The following ZNF385D variants were observed in gnomAD, a reference collection of about 807,000 sequenced individuals.
ZNF385D encodes zinc finger protein 659.
In ZNF385D, 15 loss-of-function variants were observed where a neutral mutation model predicts 35.8. The ratio of observed to expected loss-of-function variants is 0.42; its 90% CI spans 0.28 to 0.64. The LOEUF is 0.64. Among genes scored for constraint, ZNF385D ranks in the 30% least tolerant of loss-of-function variants. ZNF385D has a pLI of 0.23. For synonymous variants in ZNF385D, 212 were observed against 186.8 expected, an observed-to-expected ratio of 1.13 and a Z score of -1.10; for missense variants, 474 against 494.6, an observed-to-expected ratio of 0.96 and a Z score of 0.39.
At chr3:21,459,276 TA>T (rs756148778) in intron 4 of ZNF385D, 2 of 152,182 alleles carry the variant, frequency 1.3e-5, no homozygotes, top group Non-Finnish European at 2.9e-5. Context: ...ACACCTTGTC[TA>T]TATTGCTATT....
intron 3 of ZNF385D, among the ~76,000 whole-genome samples, chr3:22,026,027 A>C (rs1223309834): frequency 6.6e-6 from 1 of 152,208 alleles, no homozygotes; most frequent in Non-Finnish European, 1.5e-5. Flanking sequence ...GCAAAGCAGC[A>C]ATCAGAATAG....
At position 22,016,933 on chromosome 3, in the gene ZNF385D, C is replaced by G. The variant is rs180692272; in HGVS notation, c.325+151884G>C. ...CTATCTATCCTGTCCATCCATCCAT[C>G]GGACACACACACACACACACACAAA... On this transcript the variant is annotated intron_variant, in intron 3 of 5. Transcript: ENST00000494108. Among the ~76,000 whole-genome samples, 129 of 142,038 alleles carry G rather than the reference C, an allele frequency of 9.1e-4. 1 individual carries two copies. The highest frequency in any genetic ancestry group is 3.3e-3 in the African/African-American group (123 of 37,504). The allele number at this position is 142,038 out of a possible 152,430, so 93.2% of individuals were successfully genotyped here.
chr3:22,124,399 G>C (rs1703304745), intron 3 of ZNF385D, among the ~76,000 whole-genome samples: 1 of 152,132 alleles, frequency 6.6e-6, no homozygotes, highest in Non-Finnish European at 1.5e-5. Flanking sequence ...TGGGAGTGCA[G>C]ATATCTCTTT....
At chr3:22,298,103 A>T (rs1272213863) in intron 2 of ZNF385D, among the ~76,000 whole-genome samples, 1 of 152,042 alleles carries the variant, frequency 6.6e-6, no homozygotes, top group East Asian at 1.9e-4. Context: ...AAACAGGCAT[A>T]TAATCTTCGT....
chr3:22,065,723 A>G (rs922150981), intron 3 of ZNF385D, among the ~76,000 whole-genome samples: 5 of 152,328 alleles, frequency 3.3e-5, no homozygotes, highest in South Asian at 2.1e-4. Flanking sequence ...CTCAAAGAAC[A>G]TAACACACAC....
At position 21,976,105 on chromosome 3, in the gene ZNF385D, C is replaced by T. The variant is rs73135324; in HGVS notation, c.325+192712G>A. 8.2e-3 allele frequency among the ~76,000 whole-genome samples: 1,244 copies of T among 152,192 alleles called. 15 individuals are homozygous for T. The highest frequency in any genetic ancestry group is 0.029 in the African/African-American group (1,188 of 41,532). On this transcript the variant is annotated intron_variant, in intron 3 of 5. Coordinates refer to the ZNF385D transcript ENST00000494108. ...TGGGGAAAACTAGAGGGATCCTGAA[C>T]CTTACTGAAGCTGCAGACTAGCCAA...
intron 3 of ZNF385D, among the ~76,000 whole-genome samples, chr3:21,955,523 G>C (rs530074464): frequency 1.3e-5 from 2 of 152,224 alleles, no homozygotes; most frequent in East Asian, 3.9e-4. Flanking sequence ...GCTTAAGAAA[G>C]ATCATTCTGG....
At chr3:21,769,073 G>C (rs1161668635) in intron 3 of ZNF385D, among the ~76,000 whole-genome samples, 5 of 151,998 alleles carry the variant, frequency 3.3e-5, no homozygotes, top group African/African-American at 1.2e-4. Context: ...TTTTTAGCAT[G>C]AAGGGCTGTT....
intron 2 of ZNF385D, among the ~76,000 whole-genome samples, chr3:22,268,035 T>G (rs747492408): frequency 4.6e-5 from 7 of 152,002 alleles, no homozygotes; most frequent in Non-Finnish European, 1.0e-4. Context: ...AAAGTAAGTA[T>G]GCACTACAAG....
At chr3:21,739,457 G>A (rs185238952) in intron 1 of ZNF385D, among the ~76,000 whole-genome samples, 27 of 152,194 alleles carry the variant, frequency 1.8e-4, no homozygotes, top group African/African-American at 5.8e-4. Flanking sequence ...AGCTGCAGCC[G>A]CCCTCATAAG....
At chr3:21,995,211 G>C (rs930595223) in intron 3 of ZNF385D, among the ~76,000 whole-genome samples, 1 of 152,224 alleles carries the variant, frequency 6.6e-6, no homozygotes, top group Admixed American at 6.5e-5. Flanking sequence ...CCTCCAGGTA[G>C]CATATGTGGT....
intron 3 of ZNF385D, among the ~76,000 whole-genome samples, chr3:21,826,678 T>G (rs1694656132): frequency 6.6e-6 from 1 of 152,134 alleles, no homozygotes; most frequent in African/African-American, 2.4e-5. Flanking sequence ...GGGGATACAT[T>G]CCTTAAGTTC....
At chr3:21,598,412 C>T (rs747917155) in intron 2 of ZNF385D, among the ~76,000 whole-genome samples, 11 of 152,090 alleles carry the variant, frequency 7.2e-5, no homozygotes, top group Non-Finnish European at 1.3e-4. Flanking sequence ...AAAACTTGTT[C>T]ATTAAAAAAA....
At chr3:22,279,639 TTA>T (rs58214422) in intron 2 of ZNF385D, among the ~76,000 whole-genome samples, 20,150 of 113,354 alleles carry the variant, frequency 0.18, 4,128 homozygotes, top group African/African-American at 0.51. Context: ...TGTGTATATT[TTA>T]TATATATATA....
intron 3 of ZNF385D, among the ~76,000 whole-genome samples, chr3:21,959,437 A>T (rs1357251441): frequency 1.3e-5 from 2 of 152,170 alleles, no homozygotes; most frequent in Non-Finnish European, 2.9e-5. Context: ...GTTTGTGAGG[A>T]ACCAGTCAAA....
At chr3:21,919,421 C>A (rs1700347316) in intron 3 of ZNF385D, among the ~76,000 whole-genome samples, 1 of 152,150 alleles carries the variant, frequency 6.6e-6, no homozygotes, top group Non-Finnish European at 1.5e-5. Context: ...ACGATGTAGG[C>A]ATTTACCAAT....
chr3:22,059,020 T>C (rs566886062), intron 3 of ZNF385D, among the ~76,000 whole-genome samples: 1 of 152,276 alleles, frequency 6.6e-6, no homozygotes, highest in Admixed American at 6.5e-5. Context: ...CTAGGTCTGA[T>C]TTGAGGAAAA....
At position 22,138,182 on chromosome 3, in the gene ZNF385D, G is replaced by C. The variant is rs1190838133; in HGVS notation, c.325+30635C>G. Reference sequence around the variant, plus strand: ...AAATAAAAGAGGATACAAACAAATGGAAGAACATTCCATGCTCATGGGTAG... The same window carrying C: ...AAATAAAAGAGGATACAAACAAATGCAAGAACATTCCATGCTCATGGGTAG... On this transcript the variant is annotated intron_variant, in intron 3 of 5. Transcript: ENST00000494108. 7.9e-5 allele frequency among the ~76,000 whole-genome samples: 12 copies of C among 152,118 alleles called. No homozygotes were observed. In the South Asian group the frequency reaches 2.5e-3, roughly 32 times the overall value.
chr3:22,047,774 T>A (rs1699094013), intron 3 of ZNF385D, among the ~76,000 whole-genome samples: 2 of 152,200 alleles, frequency 1.3e-5, no homozygotes, highest in Admixed American at 1.3e-4. Flanking sequence ...GAAGTGGGAT[T>A]GCCAAATCAT....
Sources: gnomAD v4.1 joint callset for allele counts (sites outside exome capture counted in the v4.1 genomes callset) on GRCh38, gnomAD v4.1.1 for gene constraint, MANE v1.5 for transcripts, NCBI Gene and HGNC (gene_info 2026-07-23, HGNC 2026-07-21) for gene names.